The following SMOC1 variants were observed in gnomAD, a reference collection of about 807,000 sequenced individuals.
SMOC1 encodes SPARC related modular calcium binding 1.
A neutral mutation model predicts 56.3 loss-of-function variants in SMOC1; 22 were observed. That is an observed-to-expected ratio of 0.39 (90% confidence interval 0.28 to 0.56). The LOEUF (loss-of-function observed/expected upper bound fraction) is 0.56, where lower values mean the gene tolerates loss of function less well. Ranked by LOEUF, SMOC1 falls within the 20% of genes least tolerant of loss-of-function variation. SMOC1 has a pLI of 0.61. For synonymous variants in SMOC1, 193 were observed against 215.0 expected (o/e 0.90, Z 0.89); for missense variants, 509 against 565.4 (o/e 0.90, Z 1.01).
chr14:69,973,471 C>T (rs939230607), intron 3 of SMOC1, among the ~76,000 whole-genome samples: 8 of 152,198 alleles, frequency 5.3e-5, no homozygotes, highest in African/African-American at 1.9e-4. Flanking sequence ...ACCATTAAGG[C>T]TCCTCAGAAA....
intron 1 of SMOC1, among the ~76,000 whole-genome samples, chr14:69,890,986 A>C (rs1883944819): frequency 1.3e-5 from 2 of 152,238 alleles, no homozygotes; most frequent in African/African-American, 4.8e-5. Flanking sequence ...CAACAGAAGA[A>C]TAGAAAAATA....
At chr14:69,983,186 C>T (rs1388881081) in intron 5 of SMOC1, among the ~76,000 whole-genome samples, 1 of 152,200 alleles carries the variant, frequency 6.6e-6, no homozygotes, top group African/African-American at 2.4e-5. Flanking sequence ...AGTTTGATTT[C>T]CTGCCATATC....
At chr14:69,899,447 C>T (rs567954769) in intron 1 of SMOC1, among the ~76,000 whole-genome samples, 2 of 152,148 alleles carry the variant, frequency 1.3e-5, no homozygotes, top group Non-Finnish European at 2.9e-5. Context: ...GGCTCTCTTC[C>T]TTCTGTTCCA....
chr14:69,936,219 C>T (rs994005625), intron 1 of SMOC1, among the ~76,000 whole-genome samples: 20 of 152,300 alleles, frequency 1.3e-4, no homozygotes, highest in African/African-American at 3.4e-4. Context: ...TGCTGAGTGC[C>T]GCTGGCAGCC....
chr14:69,958,568 A>AT (rs1214651954), intron 3 of SMOC1, among the ~76,000 whole-genome samples: 2 of 152,242 alleles, frequency 1.3e-5, no homozygotes, highest in Non-Finnish European at 2.9e-5. Flanking sequence ...TAAAGGGAAA[A>AT]GGGTGCCCTT....
intron 10 of SMOC1, among the ~76,000 whole-genome samples, chr14:70,022,434 G>A (rs1021387980): frequency 6.6e-6 from 1 of 152,230 alleles, no homozygotes; most frequent in African/African-American, 2.4e-5. Flanking sequence ...TTTCTCAGCA[G>A]AATCACCTGG....
intron 1 of SMOC1, chr14:69,885,879 C>G: frequency 1.2e-6 from 2 of 1,601,808 alleles, no homozygotes; most frequent in Non-Finnish European, 1.7e-6. Context: ...GTTTGGCGGT[C>G]CAGGGCCTGG....
intron 7 of SMOC1, among the ~76,000 whole-genome samples, chr14:70,006,203 C>T (rs898430147): frequency 8.5e-5 from 13 of 152,198 alleles, no homozygotes; most frequent in African/African-American, 2.9e-4. Flanking sequence ...GATCCAATGA[C>T]TCTGCCAGTC....
chr14:69,942,264 A>G (rs557407061), intron 1 of SMOC1, among the ~76,000 whole-genome samples: 1 of 151,932 alleles, frequency 6.6e-6, no homozygotes, highest in South Asian at 2.1e-4. Context: ...ATAATCCTCA[A>G]TGTACCTAGC....
At chr14:70,028,391 G>T (rs1338651716) in intron 11 of SMOC1, among the ~76,000 whole-genome samples, 1 of 152,188 alleles carries the variant, frequency 6.6e-6, no homozygotes, top group African/African-American at 2.4e-5. Flanking sequence ...GAGGCAGCTA[G>T]CTAGGTCGGA....
chr14:69,939,301 G>A (rs1263064958), intron 1 of SMOC1, among the ~76,000 whole-genome samples: 4 of 152,248 alleles, frequency 2.6e-5, no homozygotes, highest in Non-Finnish European at 5.9e-5. Flanking sequence ...AGGCAAGAGA[G>A]CGTGTGCAGG....
At chr14:69,882,388 C>T (rs1053962113) in intron 1 of SMOC1, among the ~76,000 whole-genome samples, 1 of 152,184 alleles carries the variant, frequency 6.6e-6, no homozygotes, top group Non-Finnish European at 1.5e-5. Flanking sequence ...TAATTGAGCT[C>T]CCCCGAGGCC....
In SMOC1 at chr14:69,906,692, A is replaced by G. The variant is rs76170350; in HGVS notation, c.99+26915A>G. Among the ~76,000 whole-genome samples the G allele has an allele frequency of 3.6e-3, 543 of 152,330 alleles. 4 individuals carry two copies. The highest frequency in any genetic ancestry group is 0.011 in the African/African-American group (474 of 41,574). The stretch of plus-strand genomic sequence containing the variant: ...GAGGAGTCAAGAGAAGTTGGAAGCC[A>G]ACTGAGAGAGAGGGAAGGCTTGAAG... On this transcript the variant is annotated intron_variant, in intron 1 of 11. Coordinates refer to ENST00000361956, the MANE Select transcript of SMOC1 (RefSeq NM_001034852.3).
At chr14:69,918,553 C>T (rs1241241449) in intron 1 of SMOC1, among the ~76,000 whole-genome samples, 1 of 152,096 alleles carries the variant, frequency 6.6e-6, no homozygotes, top group Non-Finnish European at 1.5e-5. Context: ...GACCATGAAC[C>T]CTAGGGTCAG....
At chr14:69,978,411 A>G (rs1420241248) in intron 5 of SMOC1, among the ~76,000 whole-genome samples, 1 of 152,130 alleles carries the variant, frequency 6.6e-6, no homozygotes, top group East Asian at 1.9e-4. Context: ...GCACATCCAG[A>G]TTCTCTTCAC....
intron 1 of SMOC1, among the ~76,000 whole-genome samples, chr14:69,941,183 G>A (rs1354996109): frequency 6.6e-6 from 1 of 152,144 alleles, no homozygotes; most frequent in Non-Finnish European, 1.5e-5. Context: ...GTAGGGCAGC[G>A]ACAAAGCCCA....
chr14:69,991,569 T>A (rs1168807537), intron 5 of SMOC1, among the ~76,000 whole-genome samples: 1 of 152,176 alleles, frequency 6.6e-6, no homozygotes, highest in Non-Finnish European at 1.5e-5. Flanking sequence ...GTAAATAAAG[T>A]CTGCACTAAC....
chr14:69,881,307 G>A (rs572066467), intron 1 of SMOC1, among the ~76,000 whole-genome samples: 43 of 152,308 alleles, frequency 2.8e-4, no homozygotes, highest in Admixed American at 2.5e-3. Context: ...ATGCAGACCA[G>A]AGCACCCCGA....
chr14:70,013,443 C>A lies in SMOC1; in HGVS notation c.998C>A (p.Thr333Asn). The change falls in exon 10 of 12, where the codon ACT becomes AAT. Residue 333 changes from threonine to asparagine, a missense_variant. Transcript: ENST00000361956. ...ACCAGCCTACTGGATGCTCTCACCACTGACATGGTTCAGGCCATTAACTCA... is the reference window on the plus strand; with the variant it reads ...ACCAGCCTACTGGATGCTCTCACCAATGACATGGTTCAGGCCATTAACTCA... ...FITSLLDALTTDMVQAINSAA... is the reference protein window; with the variant it reads ...FITSLLDALTNDMVQAINSAA... 1.2e-6 allele frequency: 2 copies of A among 1,614,218 alleles called. No homozygotes were observed. Among genetic ancestry groups the A allele is most frequent in the Middle Eastern group, 1.6e-4 (1 of 6,062 alleles).
Sources: allele counts gnomAD v4.1 joint callset (sites outside exome capture counted in the v4.1 genomes callset), GRCh38; gene constraint gnomAD v4.1.1; transcripts MANE v1.5; gene names NCBI Gene and HGNC (gene_info 2026-07-23, HGNC 2026-07-21).